The following C1QTNF3 variants were observed in gnomAD, a reference collection of about 807,000 sequenced individuals.
The protein encoded by C1QTNF3 is complement C1q tumor necrosis factor-related protein 3.
A neutral mutation model predicts 32.6 loss-of-function variants in C1QTNF3; 26 were observed. That is an observed-to-expected ratio of 0.80 (90% CI 0.58 to 1.11). The LOEUF (loss-of-function observed/expected upper bound fraction) is 1.11, where lower values mean the gene tolerates loss of function less well. Ranked by LOEUF, C1QTNF3 falls within the 50% of genes least tolerant of loss-of-function variation. The pLI is 0.00. For synonymous variants in C1QTNF3, 155 were observed against 146.0 expected (o/e 1.06, Z -0.44); for missense variants, 362 against 398.2 (o/e 0.91, Z 0.77).
At chr5:34,075,747 T>A in the C1QTNF3 span, among the ~76,000 whole-genome samples, 2 of 151,440 alleles carry the variant, frequency 1.3e-5, no homozygotes, top group African/African-American at 4.9e-5. Context: ...GGATATATTT[T>A]AAAAAAATGA....
the C1QTNF3 span, among the ~76,000 whole-genome samples, chr5:34,141,113 G>T: frequency 6.6e-6 from 1 of 151,882 alleles, no homozygotes; most frequent in Non-Finnish European, 1.5e-5. Flanking sequence ...TGTTGGCAGG[G>T]TTGACTCCTT....
rs149477509 is a variant in C1QTNF3 at position 34,035,137 on chromosome 5, G to A, written c.415+510C>T. Among the ~76,000 whole-genome samples the A allele has an allele frequency of 2.6e-5, 4 of 152,286 alleles. No homozygotes were observed. In the East Asian group the frequency reaches 7.7e-4, roughly 29 times the overall value. On this transcript the variant is annotated intron_variant, in intron 2 of 5. Transcript: ENST00000382065. The stretch of plus-strand genomic sequence containing the variant: ...CACTCTCCTATGCCTGGTGGCATTG[G>A]CACAGTACAGATGACTGAATTGCTG...
At chr5:34,077,289 A>AT in the C1QTNF3 span, among the ~76,000 whole-genome samples, 1 of 151,734 alleles carries the variant, frequency 6.6e-6, no homozygotes, top group East Asian at 1.9e-4. Flanking sequence ...GCTAATAATT[A>AT]TTTTTTTAAC....
the C1QTNF3 span, among the ~76,000 whole-genome samples, chr5:34,060,285 TG>T: frequency 6.6e-6 from 1 of 152,110 alleles, no homozygotes; most frequent in African/African-American, 2.4e-5. Flanking sequence ...CACCTTAGAG[TG>T]TGCTCACACA....
At chr5:34,140,791 T>C in the C1QTNF3 span, among the ~76,000 whole-genome samples, 1 of 152,268 alleles carries the variant, frequency 6.6e-6, no homozygotes, top group Admixed American at 6.5e-5. Context: ...TTCAACTTCA[T>C]AGACTCAAAT....
At chr5:34,243,504 T>C in the C1QTNF3 span, among the ~76,000 whole-genome samples, 1 of 152,180 alleles carries the variant, frequency 6.6e-6, no homozygotes, top group Non-Finnish European at 1.5e-5. Context: ...CAGAAAAATA[T>C]ATATGCACTC....
At chr5:34,221,848 T>C in the C1QTNF3 span, among the ~76,000 whole-genome samples, 1 of 152,058 alleles carries the variant, frequency 6.6e-6, no homozygotes, top group Non-Finnish European at 1.5e-5. Flanking sequence ...CTGGCAGAAC[T>C]TGGCATGAGG....
At chr5:34,039,853 G>A (rs535478673) in intron 1 of C1QTNF3, among the ~76,000 whole-genome samples, 1 of 152,270 alleles carries the variant, frequency 6.6e-6, no homozygotes, top group African/African-American at 2.4e-5. Context: ...AGCTCCAGGA[G>A]ATGAAGTTGC....
At chr5:34,198,335 G>T in the C1QTNF3 span, among the ~76,000 whole-genome samples, 2 of 98,394 alleles carry the variant, frequency 2.0e-5, no homozygotes, top group Non-Finnish European at 3.5e-5. Context: ...TCTACCAAAA[G>T]CTCCACCTCC....
At chr5:34,108,404 C>T in the C1QTNF3 span, among the ~76,000 whole-genome samples, 2 of 152,114 alleles carry the variant, frequency 1.3e-5, no homozygotes, top group African/African-American at 4.8e-5. Flanking sequence ...TCTCCCCGTG[C>T]TGAAAATCCA....
chr5:34,039,902 A>T (rs1320868467), intron 1 of C1QTNF3, among the ~76,000 whole-genome samples: 1 of 152,240 alleles, frequency 6.6e-6, no homozygotes, highest in Non-Finnish European at 1.5e-5. Context: ...GTGCAAGACC[A>T]AGCTACTTGA....
At chr5:34,177,431 C>A in the C1QTNF3 span, among the ~76,000 whole-genome samples, 1 of 151,690 alleles carries the variant, frequency 6.6e-6, no homozygotes, top group South Asian at 2.1e-4. Context: ...ATCCTCCTAC[C>A]TCAGCCTCCC....
At chr5:34,243,194 G>A in the C1QTNF3 span, among the ~76,000 whole-genome samples, 2 of 152,094 alleles carry the variant, frequency 1.3e-5, no homozygotes, top group Non-Finnish European at 2.9e-5. Flanking sequence ...AGACACTCAA[G>A]TATATGAAAA....
the C1QTNF3 span, among the ~76,000 whole-genome samples, chr5:34,055,240 G>A: frequency 2.7e-3 from 408 of 152,262 alleles, 1 homozygote; most frequent in African/African-American, 9.6e-3. Context: ...CTGGGTAGGA[G>A]TTATCCAATT....
chr5:34,195,547 A>T, the C1QTNF3 span, among the ~76,000 whole-genome samples: 1 of 152,050 alleles, frequency 6.6e-6, no homozygotes, highest in Non-Finnish European at 1.5e-5. Flanking sequence ...GTTCCCTCAA[A>T]ATTCATATGA....
At chr5:34,241,676 G>A in the C1QTNF3 span, among the ~76,000 whole-genome samples, 1 of 151,776 alleles carries the variant, frequency 6.6e-6, no homozygotes, top group South Asian at 2.1e-4. Flanking sequence ...GCCGAGGCAG[G>A]TATATCGCTT....
At chr5:34,103,300 G>A in the C1QTNF3 span, among the ~76,000 whole-genome samples, 1 of 151,022 alleles carries the variant, frequency 6.6e-6, no homozygotes, top group Non-Finnish European at 1.5e-5. Flanking sequence ...TTATTTTTAT[G>A]TTTTCTACTT....
At chr5:34,061,668 T>C in the C1QTNF3 span, among the ~76,000 whole-genome samples, 2 of 152,204 alleles carry the variant, frequency 1.3e-5, no homozygotes, top group Non-Finnish European at 2.9e-5. Context: ...CCCAGCTCTA[T>C]GTTGGCACCT....
At chr5:34,144,263 G>A in the C1QTNF3 span, among the ~76,000 whole-genome samples, 2 of 152,308 alleles carry the variant, frequency 1.3e-5, no homozygotes, top group African/African-American at 2.4e-5. Context: ...CAACCAGATT[G>A]AGAAAACAAG....
Sources: gnomAD v4.1 joint callset for allele counts (sites outside exome capture counted in the v4.1 genomes callset) on GRCh38, gnomAD v4.1.1 for gene constraint, MANE v1.5 for transcripts, NCBI Gene and HGNC (gene_info 2026-07-23, HGNC 2026-07-21) for gene names.